The following SLC35F3 variants were observed in gnomAD, a reference collection of about 807,000 sequenced individuals.
SLC35F3 encodes the protein putative thiamine transporter SLC35F3.
Under a neutral mutation model 49.9 loss-of-function variants are expected in SLC35F3, and 25 were observed. The ratio of observed to expected loss-of-function variants is 0.50; its 90% CI spans 0.37 to 0.70. The LOEUF (loss-of-function observed/expected upper bound fraction) is 0.70. Ranked by LOEUF, SLC35F3 falls within the 30% of genes least tolerant of loss-of-function variation. The pLI, the probability that SLC35F3 is intolerant of heterozygous loss-of-function variation, is 0.00. For synonymous variants in SLC35F3, 275 were observed against 265.4 expected, an observed-to-expected ratio of 1.04 and a Z score of -0.35; for missense variants, 525 against 639.8, an observed-to-expected ratio of 0.82 and a Z score of 1.94.
rs1051625965 is a variant in SLC35F3 at position 234,048,349 on chromosome 1, A to T, written c.283+142591A>T. 3.9e-5 allele frequency among the ~76,000 whole-genome samples: 6 copies of T among 152,278 alleles called. No homozygotes were observed. In the East Asian group the frequency reaches 9.7e-4, roughly 25 times the overall value. On this transcript the variant is annotated intron_variant, in intron 2 of 7. Transcript: ENST00000366618. ...GTGGTTGGACAATCGCTCCATAAAGAGGTTATCCATGATGTTAATGAGCCA... is the reference window on the plus strand; with the variant it reads ...GTGGTTGGACAATCGCTCCATAAAGTGGTTATCCATGATGTTAATGAGCCA...
At chr1:234,156,714 C>G (rs1485029374) in intron 2 of SLC35F3, among the ~76,000 whole-genome samples, 5 of 151,870 alleles carry the variant, frequency 3.3e-5, no homozygotes, top group Admixed American at 2.0e-4. Context: ...TAGAAATACC[C>G]CAGATCTCCA....
chr1:234,079,854 C>T (rs1664848590), intron 2 of SLC35F3, among the ~76,000 whole-genome samples: 1 of 152,164 alleles, frequency 6.6e-6, no homozygotes, highest in Admixed American at 6.5e-5. Flanking sequence ...AACAGTTTGA[C>T]AGTGTGATAG....
chr1:233,983,748 C>A (rs1306411908), intron 2 of SLC35F3, among the ~76,000 whole-genome samples: 1 of 152,192 alleles, frequency 6.6e-6, no homozygotes, highest in Non-Finnish European at 1.5e-5. Flanking sequence ...AGTGAAATCT[C>A]CCACTGGTGT....
chr1:234,119,315 T>C (rs937254785), intron 2 of SLC35F3, among the ~76,000 whole-genome samples: 5 of 148,172 alleles, frequency 3.4e-5, no homozygotes, highest in African/African-American at 9.9e-5. Flanking sequence ...TTTTTTTTTT[T>C]CTGAAAGCGT....
rs183832216 is a variant in SLC35F3 at position 234,079,439 on chromosome 1, G to T, written c.284-151978G>T. Among the ~76,000 whole-genome samples the T allele has an allele frequency of 2.6e-3, 400 of 152,266 alleles. 1 individual carries two copies. Among genetic ancestry groups the T allele is most frequent in the Middle Eastern group, 0.02 (6 of 294 alleles). The stretch of plus-strand genomic sequence containing the variant: ...AAGCACAAGCCACTAAAGAAAAACA[G>T]ATACTTTGGACTTCAGAGTAAAAAG... On this transcript the variant is annotated intron_variant, in intron 2 of 7. Transcript: ENST00000366618.
At position 234,231,336 on chromosome 1, in the gene SLC35F3, C is replaced by T. The variant is rs1667366732; in HGVS notation, c.284-81C>T. On this transcript the variant is annotated intron_variant, in intron 2 of 7. Coordinates refer to ENST00000366618, the MANE Select transcript of SLC35F3 (RefSeq NM_173508.4). This position sits in a 1 kb window ranked among gnomAD's most constrained non-coding sequence, Gnocchi z 5.4. ...CGGGCCCCCAGGTAGCTGGTGGTGA[C>T]AATGGCTGCAGGGCAGCGCCCTGCG... 8.2e-7 allele frequency: 1 copy of T among 1,224,742 alleles called. No individual in the cohort carries two copies. The highest frequency in any genetic ancestry group is 1.6e-5 in the South Asian group (1 of 62,710). 75.9% of individuals were successfully genotyped at this position (1,224,742 alleles called of 1,614,324 possible).
intron 3 of SLC35F3, among the ~76,000 whole-genome samples, chr1:234,302,166 TTG>T (rs1262400922): frequency 6.8e-5 from 10 of 146,938 alleles, no homozygotes; most frequent in Non-Finnish European, 9.1e-5. Context: ...GTTGTTGTTG[TTG>T]TTTTTTTTAA....
chr1:234,194,796 A>G (rs1379762538), intron 2 of SLC35F3, among the ~76,000 whole-genome samples: 3 of 152,168 alleles, frequency 2.0e-5, no homozygotes, highest in African/African-American at 7.2e-5. Flanking sequence ...TTCACCTCCA[A>G]CACATCCTGG....
chr1:234,090,647 A>G (rs1315231700), intron 2 of SLC35F3, among the ~76,000 whole-genome samples: 1 of 152,210 alleles, frequency 6.6e-6, no homozygotes, highest in African/African-American at 2.4e-5. Flanking sequence ...TGGTCAGAAA[A>G]TAGCAGCGTT....
intron 2 of SLC35F3, among the ~76,000 whole-genome samples, chr1:233,908,214 T>A (rs200083761): frequency 0.027 from 4,146 of 151,916 alleles, 120 homozygotes; most frequent in East Asian, 0.15. Context: ...AAAAAAATTC[T>A]CATGATCTCC....
intron 3 of SLC35F3, among the ~76,000 whole-genome samples, chr1:234,236,924 A>AG (rs1667480049): frequency 2.5e-4 from 4 of 16,258 alleles, no homozygotes; most frequent in Non-Finnish European, 5.1e-4. Flanking sequence ...TAAAAAAAAA[A>AG]TTATATATAT....
intron 2 of SLC35F3, among the ~76,000 whole-genome samples, chr1:234,136,586 G>C (rs1665816465): frequency 6.6e-6 from 1 of 152,174 alleles, no homozygotes; most frequent in South Asian, 2.1e-4. Context: ...GTTGAGTCTG[G>C]TCTCCCCAGC....
intron 2 of SLC35F3, among the ~76,000 whole-genome samples, chr1:233,994,933 C>T (rs1281679607): frequency 6.6e-6 from 1 of 152,052 alleles, no homozygotes; most frequent in Non-Finnish European, 1.5e-5. Context: ...GGAGATAGCT[C>T]ACCTTGGTTT....
chr1:234,110,784 A>C (rs1310780006), intron 2 of SLC35F3, among the ~76,000 whole-genome samples: 3 of 152,224 alleles, frequency 2.0e-5, no homozygotes, highest in Admixed American at 1.3e-4. Flanking sequence ...ACAATAATTC[A>C]CTTCTAGCAA....
In SLC35F3 at chr1:233,905,140, G is replaced by A. The variant is rs1489546786; in HGVS notation, c.53+10G>A. The stretch of plus-strand genomic sequence containing the variant: ...GCAAGAGCATTGCCGTGTGAGTAGC[G>A]CCCCGGGCGTGGGTGAGCGAGCCGG... On this transcript the variant is annotated intron_variant, in intron 1 of 7. Transcript: ENST00000366618. 1 of 1,553,426 alleles carries A rather than the reference G, an allele frequency of 6.4e-7. No homozygotes were observed. Among genetic ancestry groups the A allele is most frequent in the Non-Finnish European group, 8.7e-7 (1 of 1,147,682 alleles).
chr1:234,177,323 G>A (rs1424516312), intron 2 of SLC35F3, among the ~76,000 whole-genome samples: 3 of 152,120 alleles, frequency 2.0e-5, no homozygotes, highest in Non-Finnish European at 4.4e-5. Flanking sequence ...GTCTTTATCA[G>A]CAGCATAAAA....
At position 234,299,092 on chromosome 1, in the gene SLC35F3, G is replaced by C. The variant is rs143669344; in HGVS notation, c.609-10009G>C. ...ATTCAAGGCTGGCAACCTAGCCATG[G>C]ATTGAGATTGATTCAGGATCACAGA... On this transcript the variant is annotated intron_variant, in intron 3 of 7. Coordinates refer to ENST00000366618, the MANE Select transcript of SLC35F3 (RefSeq NM_173508.4). 1.6e-4 allele frequency among the ~76,000 whole-genome samples: 25 copies of C among 152,300 alleles called. No individual in the cohort carries two copies. In the East Asian group the frequency reaches 4.8e-3, roughly 29 times the overall value.
intron 2 of SLC35F3, among the ~76,000 whole-genome samples, chr1:233,935,189 C>T (rs1299176489): frequency 6.0e-4 from 30 of 50,300 alleles, no homozygotes; most frequent in East Asian, 3.3e-3. Flanking sequence ...TTTCCTTGCC[C>T]TTTTTTTTTT....
chr1:234,045,382 A>G (rs1311421410), intron 2 of SLC35F3, among the ~76,000 whole-genome samples: 2 of 152,200 alleles, frequency 1.3e-5, no homozygotes, highest in Non-Finnish European at 1.5e-5. Flanking sequence ...AGAGCTTGCT[A>G]TATGAAAGCT....
Sources: allele counts gnomAD v4.1 joint callset (sites outside exome capture counted in the v4.1 genomes callset), GRCh38; gene constraint gnomAD v4.1.1; non-coding constraint Gnocchi (gnomAD v3.1); transcripts MANE v1.5; gene names NCBI Gene and HGNC (gene_info 2026-07-23, HGNC 2026-07-21).